MACF1: variants seen among roughly 807,000 people sequenced by gnomAD.
The protein encoded by MACF1 is microtubule-actin cross-linking factor 1.
A neutral mutation model predicts 854.8 loss-of-function variants in MACF1; 193 were observed. The observed-to-expected ratio is 0.23, with a 90% confidence interval of 0.20 to 0.25. The LOEUF (loss-of-function observed/expected upper bound fraction) is 0.25. Among genes scored for constraint, MACF1 ranks in the 10% least tolerant of loss-of-function variants. The pLI is 1.00. For missense variants in MACF1, 7,722 were observed against 8,929.1 expected (o/e 0.86, Z 5.45); for synonymous variants, 3,185 against 3,226.7 (o/e 0.99, Z 0.44).
At chr1:39,379,104 TAGA>T in intron 53 of MACF1, 96 bp from the exon 54 acceptor site, 3 of 1,216,238 alleles carry the variant, frequency 2.5e-6, no homozygotes, top group Non-Finnish European at 3.4e-6. Context: ...TCTAATTCAC[TAGA>T]AGGAGTAAGA....
In MACF1 at chr1:39,350,885, G is replaced by A. The variant is rs770997421; in HGVS notation, c.11066G>A (p.Arg3689His). 2.6e-5 allele frequency: 42 copies of A among 1,614,108 alleles called. No individual in the cohort carries two copies. In the African/African-American group the frequency reaches 2.9e-4, roughly 11 times the overall value. ...GAGAATCAGACCAAGCTGAGCCCAC[G>A]TGAGTTGACAGCTCTTCGGGAAAAG... ...MEENQTKLSP[R>H]ELTALREKLH... Residue 3689 changes from arginine (R) to histidine (H), a missense_variant, in exon 43 of 101, where the codon CGT becomes CAT. Arg to His is a conservative substitution (Grantham distance 29). Coordinates refer to ENST00000564288, the MANE Select transcript of MACF1 (RefSeq NM_001394062.1).
Position 39,251,838 on chromosome 1 carries a change from G to A in MACF1, c.262-8G>A, listed in dbSNP as rs1368989289. ...CTATTGTGTCTTTGCCTTGGTTGGT[G>A]GCCAAAGGAGCCAGCAGGGCTGAAG... On this transcript the variant is annotated splice_polypyrimidine_tract_variant and splice_region_variant and intron_variant, in intron 3 of 100. Transcript: ENST00000564288. 2 of 1,384,630 alleles carry A rather than the reference G, an allele frequency of 1.4e-6. No homozygotes were observed. The highest frequency in any genetic ancestry group is 1.9e-6 in the Non-Finnish European group (2 of 1,065,202). The allele number at this position is 1,384,630 out of a possible 1,614,324, so 85.8% of individuals were successfully genotyped here. A position where few individuals can be genotyped will look rare whatever the true frequency, so the allele number is the denominator to read the frequency against.
intron 40 of MACF1, among the ~76,000 whole-genome samples, chr1:39,341,497 A>G (rs888927257): frequency 6.7e-6 from 1 of 148,486 alleles, no homozygotes; most frequent in African/African-American, 2.5e-5. Context: ...GGAGTTCAAC[A>G]CCAGCCTGGC....
intron 2 of MACF1, among the ~76,000 whole-genome samples, chr1:39,166,820 G>A (rs1201989128): frequency 3.9e-5 from 6 of 152,076 alleles, no homozygotes; most frequent in South Asian, 2.1e-4. Context: ...GGGGTGGGGT[G>A]GGGAGAGATA....
intron 6 of MACF1, among the ~76,000 whole-genome samples, chr1:39,263,775 T>TC (rs1258020775): frequency 1.5e-5 from 2 of 130,182 alleles, no homozygotes; most frequent in African/African-American, 6.1e-5. Flanking sequence ...TTTTTTCTTT[T>TC]TTTTTTTTTT....
At chr1:39,282,417 C>T in intron 7 of MACF1, 43 bp downstream of exon 7, 3 of 1,573,128 alleles carry the variant, frequency 1.9e-6, no homozygotes, top group African/African-American at 1.4e-5. Context: ...GGCTTTTTCT[C>T]ATCTCTTGTT....
At chr1:39,450,010 C>A (rs1382945183) in intron 84 of MACF1, among the ~76,000 whole-genome samples, 1 of 152,142 alleles carries the variant, frequency 6.6e-6, no homozygotes, top group Non-Finnish European at 1.5e-5. Context: ...CAGGTGCACA[C>A]CACCATGCCC....
At chr1:39,445,950 C>T (rs138551727) in intron 80 of MACF1, among the ~76,000 whole-genome samples, 120 of 152,242 alleles carry the variant, frequency 7.9e-4, no homozygotes, top group African/African-American at 2.8e-3. Flanking sequence ...ACATCAATAA[C>T]CTATCTCCAA....
chr1:39,322,952 A>G lies in MACF1; in HGVS notation c.4180A>G (p.Thr1394Ala). 6.2e-7 allele frequency: 1 copy of G among 1,614,140 alleles called. No individual in the cohort carries two copies. ...RTRYTALVTLTTQHVKYISDA... is the reference protein window; with the variant it reads ...RTRYTALVTLATQHVKYISDA... ...TCGCTACACGGCATTGGTGACTTTA[A>G]CAACTCAGCACGTGAAATACATCAG... The change falls in exon 33 of 101, where the codon ACA becomes GCA. Residue 1394 changes from threonine to alanine, a missense_variant. Around this residue, in one of 15 missense-constraint regions of MACF1, gnomAD observed 1,137 missense variants for 1,263.0 expected, o/e 0.90. Transcript: ENST00000564288.
chr1:39,378,957 TTTGTTG>T (rs1328972174), intron 53 of MACF1, among the ~76,000 whole-genome samples: 10 of 152,282 alleles, frequency 6.6e-5, no homozygotes, highest in African/African-American at 2.4e-4. Context: ...TCCCTTCACT[TTTGTTG>T]TTCCCATGTT....
chr1:39,381,964 G>C lies in MACF1; in HGVS notation c.13660G>C (p.Glu4554Gln). 5 of 1,613,834 alleles carry C rather than the reference G, an allele frequency of 3.1e-6. No individual in the cohort carries two copies. The highest frequency in any genetic ancestry group is 4.2e-6 in the Non-Finnish European group (5 of 1,179,896). The stretch of plus-strand genomic sequence containing the variant: ...TTTCCTCTCTACAGATTCCCGATGG[G>C]AAAGGGCCACTGAGGTTACTGTGGC... ...KIQEELNSRW[E>Q]RATEVTVARQ... Residue 4554 changes from glutamate (E) to glutamine (Q), a missense_variant, in exon 56 of 101, where the codon GAA (glutamate) becomes CAA (glutamine). By Grantham distance (29) the Glu-to-Gln change is conservative. Around this residue, in one of 15 missense-constraint regions of MACF1, gnomAD observed 2,807 missense variants for 3,235.8 expected, o/e 0.87. Coordinates refer to ENST00000564288, the MANE Select transcript of MACF1 (RefSeq NM_001394062.1).
Position 39,434,586 on chromosome 1 carries a change from C to T in MACF1, c.17738C>T (p.Pro5913Leu), listed in dbSNP as rs745495678. 34 of 1,614,052 alleles carry T rather than the reference C, an allele frequency of 2.1e-5. No individual in the cohort carries two copies. Among genetic ancestry groups the T allele is most frequent in the Admixed American group, 6.7e-5 (4 of 60,004 alleles). Residue 5913 changes from proline to leucine, a missense_variant, in exon 69 of 101, where the codon CCA becomes CTA. By Grantham distance (98) the Pro-to-Leu change is moderately conservative. Around this residue, in one of 15 missense-constraint regions of MACF1, gnomAD observed 2,807 missense variants for 3,235.8 expected, o/e 0.87. Coordinates refer to ENST00000564288, the MANE Select transcript of MACF1 (RefSeq NM_001394062.1). ...GCACTAATAGCACAGTTACCCTCTC[C>T]AGCCATTGATCATGAGCAGCTCAGG... ...TRALIAQLPS[P>L]AIDHEQLRQQ...
chr1:39,129,240 G>C (rs1361857424), intron 2 of MACF1, among the ~76,000 whole-genome samples: 1 of 152,166 alleles, frequency 6.6e-6, no homozygotes, highest in Non-Finnish European at 1.5e-5. Flanking sequence ...TTCTCCTTTA[G>C]TGGGTGGGAT....
chr1:39,125,812 G>A (rs1642845283), intron 2 of MACF1, among the ~76,000 whole-genome samples: 1 of 152,170 alleles, frequency 6.6e-6, no homozygotes, highest in Non-Finnish European at 1.5e-5. Context: ...GCCAACATTA[G>A]TGAAACCCCA....
At chr1:39,319,784 CA>C (rs1288142570) in intron 31 of MACF1, 37 bp downstream of exon 31, 1 of 1,453,188 alleles carries the variant, frequency 6.9e-7, no homozygotes, top group Admixed American at 1.7e-5. Context: ...CATGAATCAT[CA>C]CCAGCTCAGG....
intron 23 of MACF1, chr1:39,304,416 C>A: frequency 8.2e-7 from 1 of 1,214,782 alleles, no homozygotes; most frequent in Middle Eastern, 1.9e-4. Flanking sequence ...TTCCTGCTAA[C>A]TGGTTGACCC....
At position 39,324,747 on chromosome 1, in the gene MACF1, T is replaced by G; in HGVS notation, c.4478+13T>G. ...AGCATGGTCATAAGTGAGTATTAAA[T>G]GAGAGATTATGGCACATCTGGGGCA... On this transcript the variant is annotated intron_variant, in intron 35 of 100. Coordinates refer to ENST00000564288, the MANE Select transcript of MACF1 (RefSeq NM_001394062.1). 1 of 1,590,838 alleles carries G rather than the reference T, an allele frequency of 6.3e-7. No homozygotes were observed. The highest frequency in any genetic ancestry group is 8.6e-7 in the Non-Finnish European group (1 of 1,159,612).
intron 2 of MACF1, among the ~76,000 whole-genome samples, chr1:39,136,404 G>A (rs952862009): frequency 3.3e-5 from 5 of 152,322 alleles, no homozygotes; most frequent in African/African-American, 1.2e-4. Flanking sequence ...AGGAGAGGCA[G>A]TAGTCCCTCC....
rs972724042 is a variant in MACF1, at chr1:39,459,761, A to G, written c.21360+512A>G. 96 of 1,202,144 alleles carry G rather than the reference A, an allele frequency of 8.0e-5. No individual in the cohort carries two copies. In the East Asian group the frequency reaches 3.9e-3, roughly 48 times the overall value. The allele number at this position is 1,202,144 out of a possible 1,614,324, so 74.5% of individuals were successfully genotyped here. On this transcript the variant is annotated intron_variant, in intron 91 of 100. Coordinates refer to ENST00000564288, the MANE Select transcript of MACF1 (RefSeq NM_001394062.1). Reference sequence around the variant, plus strand: ...TAAAAAATATAGTACTATGCTTCCTAGTTTCTAAAACAAGCCTCTAATATC... The same window carrying G: ...TAAAAAATATAGTACTATGCTTCCTGGTTTCTAAAACAAGCCTCTAATATC...
Sources: gnomAD v4.1 joint callset for allele counts (sites outside exome capture counted in the v4.1 genomes callset) on GRCh38, gnomAD v4.1.1 for gene constraint, gnomAD v4.1.1 regional missense constraint, MANE v1.5 for transcripts, NCBI Gene and HGNC (gene_info 2026-07-23, HGNC 2026-07-21) for gene names.